Variants in MYH15 observed in about 807,000 individuals in gnomAD.
The protein encoded by MYH15 is myosin-15.
Under a neutral mutation model 240.5 loss-of-function variants are expected in MYH15, and 227 were observed. The ratio of observed to expected loss-of-function variants is 0.94; its 90% CI spans 0.85 to 1.05. The LOEUF (loss-of-function observed/expected upper bound fraction) is 1.05. Ranked by LOEUF, MYH15 falls within the 50% of genes least tolerant of loss-of-function variation. The pLI is 0.00. For synonymous variants in MYH15, 785 were observed against 796.7 expected (o/e 0.99, Z 0.25); for missense variants, 2,217 against 2,247.5 (o/e 0.99, Z 0.27).
intron 19 of MYH15, 133 bp downstream of exon 19, chr3:108,456,633 C>T: frequency 1.6e-6 from 1 of 642,950 alleles, no homozygotes. Flanking sequence ...ATATATCTTC[C>T]CACCACCAAA....
At chr3:108,417,796 T>C (rs73207912) in intron 28 of MYH15, among the ~76,000 whole-genome samples, 4,530 of 146,980 alleles carry the variant, frequency 0.031, 97 homozygotes, top group African/African-American at 0.052. Context: ...TATATATATA[T>C]ACACACACAC....
intron 4 of MYH15, 134 bp downstream of exon 4, chr3:108,499,984 G>A: frequency 9.6e-7 from 1 of 1,043,446 alleles, no homozygotes; most frequent in East Asian, 2.6e-5. Context: ...TTATCCAGAA[G>A]GAAACAGAGG....
chr3:108,538,445 A>C, the MYH15 span, among the ~76,000 whole-genome samples: 1 of 152,222 alleles, frequency 6.6e-6, no homozygotes. Context: ...CTTTCAAACT[A>C]AGAAGTAAAC....
In MYH15 at chr3:108,455,801, C is replaced by T. The variant is rs1451028040; in HGVS notation, c.2197G>A (p.Ala733Thr). Reference protein sequence around the residue: ...PKSKFVSSRKAAEELLGSLEI... With the variant: ...PKSKFVSSRKTAEELLGSLEI... ...AAGGAGCCAAGTAATTCTTCAGCTG[C>T]TTTTCTGCTGCTCACAAACTTGCTC... Residue 733 changes from alanine to threonine, a missense_variant, in exon 20 of 41, where the codon GCA (alanine) becomes ACA (threonine). By Grantham distance (58) the Ala-to-Thr change is moderately conservative (BLOSUM62 0). Coordinates refer to ENST00000693548, the MANE Select transcript of MYH15 (RefSeq NM_014981.3). 6.2e-7 allele frequency: 1 copy of T among 1,613,244 alleles called. No homozygotes were observed. Among genetic ancestry groups the T allele is most frequent in the African/African-American group, 1.3e-5 (1 of 74,896 alleles).
chr3:108,544,391 A>G, the MYH15 span, among the ~76,000 whole-genome samples: 1 of 152,206 alleles, frequency 6.6e-6, no homozygotes, highest in Non-Finnish European at 1.5e-5. Context: ...TAACCTTACA[A>G]AGAAACATAG....
intron 31 of MYH15, among the ~76,000 whole-genome samples, chr3:108,409,898 T>G (rs1037462743): frequency 6.6e-6 from 1 of 152,228 alleles, no homozygotes; most frequent in Admixed American, 6.5e-5. Flanking sequence ...ATGATAGCCA[T>G]CTTTATTACA....
intron 20 of MYH15, among the ~76,000 whole-genome samples, chr3:108,455,149 C>A (rs1469195881): frequency 1.3e-5 from 2 of 152,126 alleles, no homozygotes. Context: ...TCATTAGGAA[C>A]AAACTGATGT....
chr3:108,492,600 A>G lies in MYH15; in HGVS notation c.776-5T>C. 1 of 1,601,660 alleles carries G rather than the reference A, an allele frequency of 6.2e-7. No individual in the cohort carries two copies. Among genetic ancestry groups the G allele is most frequent in the Non-Finnish European group, 8.5e-7 (1 of 1,169,908 alleles). On this transcript the variant is annotated splice_region_variant and splice_polypyrimidine_tract_variant and intron_variant, in intron 8 of 40. Coordinates refer to ENST00000693548, the MANE Select transcript of MYH15 (RefSeq NM_014981.3). Reference sequence around the variant, plus strand: ...CCCTGGACTTTTCAAGCAAATCTGGATGATGAGAAATGAATAAAAATTCAT... The same window carrying G: ...CCCTGGACTTTTCAAGCAAATCTGGGTGATGAGAAATGAATAAAAATTCAT...
intron 20 of MYH15, among the ~76,000 whole-genome samples, chr3:108,454,358 T>C (rs890671207): frequency 6.6e-6 from 1 of 152,190 alleles, no homozygotes; most frequent in Non-Finnish European, 1.5e-5. Context: ...TGTGGTTCTA[T>C]TGTTTGCCTA....
intron 33 of MYH15, among the ~76,000 whole-genome samples, chr3:108,403,280 G>T (rs2107543631): frequency 6.6e-6 from 1 of 152,316 alleles, no homozygotes; most frequent in East Asian, 1.9e-4. Context: ...GTACTATCAA[G>T]GTTTTGCCTT....
chr3:108,507,505 C>T (rs1472552175), intron 1 of MYH15, among the ~76,000 whole-genome samples: 1 of 152,054 alleles, frequency 6.6e-6, no homozygotes, highest in Non-Finnish European at 1.5e-5. Context: ...GGCTCACTGC[C>T]GCAGGACAGG....
chr3:108,528,796 C>G (rs1412586286), intron 1 of MYH15, among the ~76,000 whole-genome samples: 1 of 152,148 alleles, frequency 6.6e-6, no homozygotes, highest in Non-Finnish European at 1.5e-5. Flanking sequence ...AGACCATGCT[C>G]TTAACTATTC....
At chr3:108,535,583 G>C in the MYH15 span, among the ~76,000 whole-genome samples, 1 of 152,032 alleles carries the variant, frequency 6.6e-6, no homozygotes, top group African/African-American at 2.4e-5. Context: ...AGTGTGTCTG[G>C]TGGGTCCCAG....
chr3:108,548,001 C>G, the MYH15 span, among the ~76,000 whole-genome samples: 1 of 152,106 alleles, frequency 6.6e-6, no homozygotes, highest in Non-Finnish European at 1.5e-5. Context: ...CAGAGTCTTT[C>G]CATGTAATTG....
At chr3:108,453,959 G>C in intron 21 of MYH15, 47 bp downstream of exon 21, 1 of 1,571,278 alleles carries the variant, frequency 6.4e-7, no homozygotes, top group Admixed American at 1.7e-5. Context: ...ACTGGTTGAG[G>C]CACACTATTA....
At chr3:108,436,445 T>G (rs183075276) in intron 25 of MYH15, among the ~76,000 whole-genome samples, 2 of 152,212 alleles carry the variant, frequency 1.3e-5, no homozygotes, top group African/African-American at 4.8e-5. Context: ...TAATAGCATA[T>G]GTATATACCA....
the MYH15 span, among the ~76,000 whole-genome samples, chr3:108,548,133 C>T: frequency 1.3e-5 from 2 of 152,076 alleles, no homozygotes; most frequent in Non-Finnish European, 2.9e-5. Flanking sequence ...TGCAAGGTTT[C>T]TACATTTTAA....
chr3:108,444,812 A>G lies in MYH15; in HGVS notation c.2483T>C (p.Ile828Thr). ...TTCTGAAGATTTAACAAGAGGCTTG[A>G]TCTTGAAGAAGAGCCTCATCCAGGG... is the stretch of plus-strand genomic sequence containing the variant. Reference protein sequence around the residue: ...NWPWMRLFFKIKPLVKSSEVG... With the variant: ...NWPWMRLFFKTKPLVKSSEVG... The change falls in exon 22 of 41, where the codon ATC becomes ACC. Residue 828 changes from isoleucine (I) to threonine (T), a missense_variant. Transcript: ENST00000693548. 3.1e-6 allele frequency: 5 copies of G among 1,614,090 alleles called. No homozygotes were observed. Among genetic ancestry groups the G allele is most frequent in the Non-Finnish European group, 4.2e-6 (5 of 1,179,978 alleles).
chr3:108,471,334 TA>T (rs1262398923), intron 12 of MYH15, among the ~76,000 whole-genome samples: 1 of 152,118 alleles, frequency 6.6e-6, no homozygotes, highest in African/African-American at 2.4e-5. Flanking sequence ...AAGAGTTTGT[TA>T]AAAATGCAAA....
Sources: gnomAD v4.1 joint callset for allele counts (sites outside exome capture counted in the v4.1 genomes callset) on GRCh38, gnomAD v4.1.1 for gene constraint, MANE v1.5 for transcripts, NCBI Gene and HGNC (gene_info 2026-07-23, HGNC 2026-07-21) for gene names.